Variants in TRAK1 observed in about 807,000 individuals in gnomAD.
The protein encoded by TRAK1 is trafficking kinesin protein 1.
TRAK1 carries 33 observed loss-of-function variants against 92.1 expected under a neutral mutation model. That is an observed-to-expected ratio of 0.36 (90% confidence interval 0.27 to 0.48). The LOEUF is 0.48. Among genes scored for constraint, TRAK1 ranks in the 20% least tolerant of loss-of-function variants. The pLI is 0.99. For synonymous variants in TRAK1, 521 were observed against 517.3 expected (o/e 1.01, Z -0.10); for missense variants, 1,123 against 1,257.9 (o/e 0.89, Z 1.62).
intron 15 of TRAK1, among the ~76,000 whole-genome samples, chr3:42,220,292 T>C (rs1172719402): frequency 6.6e-6 from 1 of 152,158 alleles, no homozygotes; most frequent in Non-Finnish European, 1.5e-5. Flanking sequence ...TGGGGAGGAC[T>C]TGTCTGGTGT....
chr3:42,096,738 C>T (rs1414634582), intron 1 of TRAK1, among the ~76,000 whole-genome samples: 1 of 152,226 alleles, frequency 6.6e-6, no homozygotes, highest in Non-Finnish European at 1.5e-5. Flanking sequence ...GCCACAAAGG[C>T]AGTGAAGCAT....
intron 13 of TRAK1, among the ~76,000 whole-genome samples, chr3:42,207,607 A>G (rs1463201): frequency 0.79 from 119,628 of 152,102 alleles, 47,275 homozygotes; most frequent in East Asian, 0.99. Flanking sequence ...GAGTGAGCTG[A>G]TATAATACAT....
At chr3:42,064,416 A>G (rs1000829200) in intron 1 of TRAK1, among the ~76,000 whole-genome samples, 7 of 152,154 alleles carry the variant, frequency 4.6e-5, no homozygotes, top group African/African-American at 9.7e-5. Flanking sequence ...TCTGATGTCA[A>G]TGTTGGAAGA....
At chr3:42,145,478 C>T (rs1168708605) in intron 2 of TRAK1, among the ~76,000 whole-genome samples, 1 of 138,940 alleles carries the variant, frequency 7.2e-6, no homozygotes, top group Non-Finnish European at 1.5e-5. Context: ...GAGTGAGACT[C>T]TGTCTCAAAA....
At chr3:42,108,543 T>C (rs1707909937) in intron 1 of TRAK1, among the ~76,000 whole-genome samples, 1 of 144,238 alleles carries the variant, frequency 6.9e-6, no homozygotes, top group Non-Finnish European at 1.5e-5. Context: ...TAGCATTCCC[T>C]AACCTAACCC....
intron 14 of TRAK1, chr3:42,218,404 C>T (rs935698345): frequency 5.2e-6 from 5 of 952,736 alleles, no homozygotes; most frequent in African/African-American, 2.2e-5. Flanking sequence ...AGTTTTCTCC[C>T]AGGAGGTCTC....
intron 1 of TRAK1, among the ~76,000 whole-genome samples, chr3:42,024,367 A>G (rs1204403826): frequency 6.6e-6 from 1 of 152,208 alleles, no homozygotes; most frequent in Admixed American, 6.5e-5. Flanking sequence ...TTCTAGTTGT[A>G]TCATTTGGTT....
In TRAK1 at chr3:42,080,567, C is replaced by T. The variant is rs146728790; in HGVS notation, c.-518-6537C>T. Among the ~76,000 whole-genome samples the T allele has an allele frequency of 1.1e-4, 16 of 152,306 alleles. No homozygotes were observed. In the East Asian group the frequency reaches 2.7e-3, roughly 26 times the overall value. On this transcript the variant is annotated intron_variant, in intron 1 of 16. Transcript: ENST00000487159. ...TTTGTTTCCTCTGCCTGAAAGAAGC[C>T]TTTTGCCTGGTGTGCCAGGGTTTGC...
Position 42,209,817 on chromosome 3 carries a change from G to A in TRAK1, c.1795G>A (p.Gly599Ser), listed in dbSNP as rs1001304231. The A allele has an allele frequency of 3.1e-6, 5 of 1,614,022 alleles. No homozygotes were observed. Among genetic ancestry groups the A allele is most frequent in the Non-Finnish European group, 4.2e-6 (5 of 1,180,052 alleles). Residue 599 changes from glycine to serine, a missense_variant, in exon 14 of 16, where the codon GGC becomes AGC. Physicochemically the swap from Gly to Ser is moderately conservative, Grantham distance 56. Around this residue, in one of 3 missense-constraint regions of TRAK1, gnomAD observed 36 missense variants for 71.3 expected, o/e 0.50. Coordinates refer to ENST00000327628, the MANE Select transcript of TRAK1 (RefSeq NM_001042646.3). ...GCAGTTGGCCCAACCTCACCTTGGG[G>A]GCATCCTGGACCCCCGGCCCGGTGT... ...WQQLAQPHLG[G>S]ILDPRPGVVT...
chr3:42,194,935 T>C lies in TRAK1; in HGVS notation c.1107T>C (p.Phe369=). ...GGCGCTACCACTCACTGGGCCTGTTTCCCATGGTGAGCTGTGCTTTCTTCC... is the reference window on the plus strand; with the variant it reads ...GGCGCTACCACTCACTGGGCCTGTTCCCCATGGTGAGCTGTGCTTTCTTCC... ...TSRRYHSLGL[F]PMDSLAAEIE... Residue 369 remains phenylalanine (F), a synonymous_variant, in exon 10 of 16, where the codon TTT becomes TTC. Coordinates refer to ENST00000327628, the MANE Select transcript of TRAK1 (RefSeq NM_001042646.3). 1 of 1,613,710 alleles carries C rather than the reference T, an allele frequency of 6.2e-7. No homozygotes were observed.
intron 1 of TRAK1, among the ~76,000 whole-genome samples, chr3:42,060,199 G>A (rs1427388539): frequency 6.6e-6 from 1 of 152,012 alleles, no homozygotes; most frequent in Non-Finnish European, 1.5e-5. Flanking sequence ...GGAGAGAGGG[G>A]AAATAAACAA....
chr3:42,182,310 T>C (rs1037388807), intron 3 of TRAK1, among the ~76,000 whole-genome samples: 2 of 151,538 alleles, frequency 1.3e-5, no homozygotes, highest in Admixed American at 1.3e-4. Context: ...TTTTTTTTTT[T>C]TTTTCTTTTT....
chr3:42,200,994 A>G lies in TRAK1; in HGVS notation c.1367A>G (p.Asn456Ser), dbSNP rs1443732036. ...AGCTTCTACGGCAGCGACATAGGCAACGTCGTCCTCGACAACAAGACCAAC... is the reference window on the plus strand; with the variant it reads ...AGCTTCTACGGCAGCGACATAGGCAGCGTCGTCCTCGACAACAAGACCAAC... Reference protein sequence around the residue: ...RSSFYGSDIGNVVLDNKTNSI... With the variant: ...RSSFYGSDIGSVVLDNKTNSI... Residue 456 changes from asparagine (N) to serine (S), a missense_variant, in exon 12 of 16, where the codon AAC becomes AGC. Asn to Ser is a conservative substitution (Grantham distance 46, BLOSUM62 1). Coordinates refer to ENST00000327628, the MANE Select transcript of TRAK1 (RefSeq NM_001042646.3). The G allele has an allele frequency of 8.1e-6, 13 of 1,614,074 alleles. No homozygotes were observed. Among genetic ancestry groups the G allele is most frequent in the East Asian group, 4.5e-5 (2 of 44,882 alleles).
At chr3:42,174,902 T>C (rs960974722) in intron 2 of TRAK1, among the ~76,000 whole-genome samples, 1 of 151,844 alleles carries the variant, frequency 6.6e-6, no homozygotes, top group African/African-American at 2.4e-5. Context: ...CTTGTGGTTA[T>C]CTACACATGA....
chr3:42,143,063 G>A (rs1377882615), intron 2 of TRAK1, among the ~76,000 whole-genome samples: 2 of 152,192 alleles, frequency 1.3e-5, no homozygotes, highest in Non-Finnish European at 2.9e-5. Context: ...CTAAATCTGG[G>A]CACCAGAATG....
At chr3:42,147,614 T>G (rs1375620082) in intron 2 of TRAK1, among the ~76,000 whole-genome samples, 1 of 152,208 alleles carries the variant, frequency 6.6e-6, no homozygotes, top group Non-Finnish European at 1.5e-5. Flanking sequence ...CTCCGGGACT[T>G]GAGGCTCTGT....
chr3:42,180,528 A>C (rs1170382149), intron 3 of TRAK1, among the ~76,000 whole-genome samples: 1 of 152,024 alleles, frequency 6.6e-6, no homozygotes, highest in African/African-American at 2.4e-5. Context: ...TGCATTCCAA[A>C]AATTAGATAG....
At chr3:42,105,746 A>G (rs1707448164) in intron 1 of TRAK1, among the ~76,000 whole-genome samples, 1 of 152,228 alleles carries the variant, frequency 6.6e-6, no homozygotes, top group Non-Finnish European at 1.5e-5. Context: ...AATGAAGGAA[A>G]AAATATTAAG....
At chr3:42,209,411 C>T (rs1433230220) in intron 13 of TRAK1, among the ~76,000 whole-genome samples, 1 of 152,156 alleles carries the variant, frequency 6.6e-6, no homozygotes, top group African/African-American at 2.4e-5. Flanking sequence ...TTCCCCCTTC[C>T]ATTTTGTAAA....
Sources: allele counts gnomAD v4.1 joint callset (sites outside exome capture counted in the v4.1 genomes callset), GRCh38; gene constraint gnomAD v4.1.1; regional missense constraint gnomAD v4.1.1; transcripts MANE v1.5; gene names NCBI Gene and HGNC (gene_info 2026-07-23, HGNC 2026-07-21).